Variants in MYT1L observed in about 807,000 individuals in gnomAD.
MYT1L encodes myelin transcription factor 1-like protein.
MYT1L carries 12 observed loss-of-function variants against 126.7 expected under a neutral mutation model. The ratio of observed to expected loss-of-function variants is 0.09; its 90% confidence interval spans 0.06 to 0.15. MYT1L has a LOEUF of 0.15. Ranked by LOEUF, MYT1L falls within the 10% of genes least tolerant of loss-of-function variation. The pLI, the probability that MYT1L is intolerant of heterozygous loss-of-function variation, is 1.00. For missense variants in MYT1L, 979 were observed against 1,585.2 expected, an observed-to-expected ratio of 0.62 and a Z score of 6.49; for synonymous variants, 541 against 604.2, an observed-to-expected ratio of 0.90 and a Z score of 1.53.
At chr2:2,061,863 A>G (rs1276731673) in intron 3 of MYT1L, among the ~76,000 whole-genome samples, 1 of 152,202 alleles carries the variant, frequency 6.6e-6, no homozygotes. Context: ...TAGGGGTATA[A>G]TACCTCTACA....
chr2:2,133,572 G>C (rs1381222578), intron 3 of MYT1L, among the ~76,000 whole-genome samples: 1 of 152,164 alleles, frequency 6.6e-6, no homozygotes, highest in Non-Finnish European at 1.5e-5. Context: ...CTGATATGAA[G>C]GCAAAATATT....
chr2:2,218,499 C>A (rs1391020425), intron 2 of MYT1L, among the ~76,000 whole-genome samples: 3 of 152,028 alleles, frequency 2.0e-5, no homozygotes, highest in Non-Finnish European at 4.4e-5. Context: ...CATACCAAAT[C>A]CTGAAAAATG....
intron 5 of MYT1L, among the ~76,000 whole-genome samples, chr2:1,987,333 GTTTT>G (rs1009600886): frequency 8.3e-4 from 123 of 148,856 alleles, no homozygotes; most frequent in African/African-American, 3.0e-3. Flanking sequence ...TTTTTTTTCT[GTTTT>G]TTGTTTTTTT....
intron 21 of MYT1L, among the ~76,000 whole-genome samples, chr2:1,830,597 A>C (rs550163616): frequency 1.7e-4 from 25 of 146,764 alleles, no homozygotes; most frequent in Non-Finnish European, 3.7e-4. Context: ...GGAAGGGCTC[A>C]CAGGGAGATG....
At chr2:2,130,325 G>A (rs1326077201) in intron 3 of MYT1L, among the ~76,000 whole-genome samples, 3 of 150,828 alleles carry the variant, frequency 2.0e-5, no homozygotes, top group Admixed American at 1.3e-4. Context: ...CACATCCACC[G>A]CTGGTGGTAA....
intron 23 of MYT1L, among the ~76,000 whole-genome samples, chr2:1,798,413 G>C (rs935901566): frequency 6.6e-6 from 1 of 152,228 alleles, no homozygotes; most frequent in East Asian, 1.9e-4. Flanking sequence ...CTGTAGGCCT[G>C]AGCACTGACC....
At chr2:2,103,125 G>GCCT (rs2078302991) in intron 3 of MYT1L, among the ~76,000 whole-genome samples, 2 of 152,212 alleles carry the variant, frequency 1.3e-5, no homozygotes, top group South Asian at 4.2e-4. Flanking sequence ...GCCAGAGAAA[G>GCCT]CCTGCATGTT....
At chr2:1,945,120 C>T (rs4481014) in intron 8 of MYT1L, among the ~76,000 whole-genome samples, 32,345 of 152,098 alleles carry the variant, frequency 0.21, 3,526 homozygotes, top group East Asian at 0.31. Flanking sequence ...GAGCATAGAG[C>T]GGGGCTGGGC....
intron 18 of MYT1L, among the ~76,000 whole-genome samples, chr2:1,882,472 A>T (rs940961542): frequency 6.6e-6 from 1 of 152,198 alleles, no homozygotes; most frequent in Non-Finnish European, 1.5e-5. Context: ...TCTCCTCCCA[A>T]TGTGGAGGCT....
rs867296540 is a variant in MYT1L, at chr2:1,943,184, C to T, written c.303G>A (p.Glu101=). 8 of 1,551,790 alleles carry T rather than the reference C, an allele frequency of 5.2e-6. 1 individual carries two copies. The Middle Eastern group carries it at 1.0e-3, about 194-fold the overall frequency. Residue 101 remains glutamate, a synonymous_variant, in exon 9 of 25, where the codon GAG becomes GAA. Coordinates refer to ENST00000647738, the MANE Select transcript of MYT1L (RefSeq NM_001303052.2). The surrounding 1 kb of genome is among the most constrained non-coding windows in gnomAD (Gnocchi z 4.4). ...ACTCCTCCCCCTCATCCTCCTCCTT[C>T]TCATCCATGTCCTCAGTCCCATCAC... is the stretch of plus-strand genomic sequence containing the variant. ...DDSDGTEDMD[E]KEEDEGEEYS...
At position 1,793,018 on chromosome 2, in the gene MYT1L, C is replaced by T. The variant is rs1352865389; in HGVS notation, c.3277-554G>A. 6.6e-6 allele frequency among the ~76,000 whole-genome samples: 1 copy of T among 152,130 alleles called. No individual in the cohort carries two copies. Among genetic ancestry groups the T allele is most frequent in the Non-Finnish European group, 1.5e-5 (1 of 68,024 alleles). On this transcript the variant is annotated intron_variant, in intron 23 of 24. Coordinates refer to ENST00000647738, the MANE Select transcript of MYT1L (RefSeq NM_001303052.2). The surrounding 1 kb of genome is among the most constrained non-coding windows in gnomAD (Gnocchi z 4.6). ...TGCGCGATCCTGTTCTCTCAGCCGG[C>T]CTGATGGGACTGCAGTGTGTAGGGG... is the stretch of plus-strand genomic sequence containing the variant.
intron 3 of MYT1L, among the ~76,000 whole-genome samples, chr2:2,128,780 A>T (rs1460608555): frequency 5.3e-5 from 8 of 152,210 alleles, no homozygotes; most frequent in Non-Finnish European, 8.8e-5. Context: ...TATTAAATGG[A>T]GAAATGTTAA....
At chr2:2,072,323 G>A (rs1029174678) in intron 3 of MYT1L, among the ~76,000 whole-genome samples, 6 of 152,242 alleles carry the variant, frequency 3.9e-5, no homozygotes, top group Non-Finnish European at 7.4e-5. Context: ...AATGTATGCT[G>A]AGCACTTCAA....
intron 3 of MYT1L, among the ~76,000 whole-genome samples, chr2:2,102,858 A>G (rs887490630): frequency 2.0e-5 from 3 of 152,054 alleles, no homozygotes; most frequent in African/African-American, 7.2e-5. Context: ...CCAGTAGAAT[A>G]TTGATCTATA....
chr2:2,269,480 C>A (rs769226047), intron 2 of MYT1L, among the ~76,000 whole-genome samples: 12 of 152,210 alleles, frequency 7.9e-5, no homozygotes, highest in Non-Finnish European at 1.8e-4. Flanking sequence ...GATGTGAGTG[C>A]TTTATATGCA....
At chr2:1,856,621 T>C (rs1455090044) in intron 18 of MYT1L, among the ~76,000 whole-genome samples, 1 of 152,190 alleles carries the variant, frequency 6.6e-6, no homozygotes, top group Non-Finnish European at 1.5e-5. Flanking sequence ...GAGGCTGTAT[T>C]GTAGCCAGTT....
intron 3 of MYT1L, among the ~76,000 whole-genome samples, chr2:2,098,337 G>T (rs1305747401): frequency 6.6e-6 from 1 of 152,146 alleles, no homozygotes; most frequent in Non-Finnish European, 1.5e-5. Flanking sequence ...TCTGAACATT[G>T]AATAAGATCA....
At chr2:2,062,582 T>C (rs927407287) in intron 3 of MYT1L, among the ~76,000 whole-genome samples, 2 of 152,226 alleles carry the variant, frequency 1.3e-5, no homozygotes, top group African/African-American at 4.8e-5. Flanking sequence ...TTGTTTGATT[T>C]GGTGGAAGAC....
intron 21 of MYT1L, among the ~76,000 whole-genome samples, chr2:1,818,095 A>G (rs1407396768): frequency 6.6e-6 from 1 of 152,322 alleles, no homozygotes; most frequent in Admixed American, 6.5e-5. Context: ...GACATTTTTT[A>G]TCAGGACATC....
Sources: gnomAD v4.1 joint callset for allele counts (sites outside exome capture counted in the v4.1 genomes callset) on GRCh38, gnomAD v4.1.1 for gene constraint, Gnocchi (gnomAD v3.1) non-coding constraint, MANE v1.5 for transcripts, NCBI Gene and HGNC (gene_info 2026-07-23, HGNC 2026-07-21) for gene names.